KALRN: variants seen among roughly 807,000 people sequenced by gnomAD.
KALRN encodes kalirin RhoGEF kinase, also known as kalirin.
In KALRN, 70 loss-of-function variants were observed where a neutral mutation model predicts 353.7. That is an observed-to-expected ratio of 0.20 (90% CI 0.16 to 0.24). KALRN has a LOEUF of 0.24. KALRN is among the 10% of genes least tolerant of loss of function. The pLI is 1.00. For synonymous variants in KALRN, 1,391 were observed against 1,434.8 expected (o/e 0.97, Z 0.69); for missense variants, 2,791 against 3,756.7 (o/e 0.74, Z 6.72).
chr3:124,550,714 G>A (rs958231890), intron 33 of KALRN, among the ~76,000 whole-genome samples: 3 of 152,256 alleles, frequency 2.0e-5, no homozygotes, highest in South Asian at 4.2e-4. Flanking sequence ...TTAAGACCAG[G>A]CGCAGTGGCT....
chr3:124,251,048 G>A (rs1009628616), intron 3 of KALRN, among the ~76,000 whole-genome samples: 13 of 152,198 alleles, frequency 8.5e-5, no homozygotes, highest in African/African-American at 3.1e-4. Flanking sequence ...GCTAAGAGTA[G>A]CTCCTTCCAA....
intron 1 of KALRN, among the ~76,000 whole-genome samples, chr3:124,128,619 G>A (rs1286553392): frequency 1.3e-5 from 2 of 152,176 alleles, no homozygotes; most frequent in African/African-American, 2.4e-5. Flanking sequence ...GTAACAAGAA[G>A]TAGAGAAGTA....
intron 34 of KALRN, among the ~76,000 whole-genome samples, chr3:124,627,982 G>C (rs1219343069): frequency 6.6e-6 from 1 of 152,182 alleles, no homozygotes; most frequent in Non-Finnish European, 1.5e-5. Flanking sequence ...TTCTGCTGCT[G>C]TTTTCCAAGT....
intron 10 of KALRN, among the ~76,000 whole-genome samples, chr3:124,368,847 G>A (rs55776263): frequency 0.18 from 27,965 of 152,172 alleles, 3,383 homozygotes; most frequent in East Asian, 0.6. Context: ...ATCACTCGCG[G>A]TTAGGGGCTG....
chr3:124,363,875 T>C (rs1418581477), intron 10 of KALRN, among the ~76,000 whole-genome samples: 2 of 152,260 alleles, frequency 1.3e-5, no homozygotes, highest in Non-Finnish European at 2.9e-5. Context: ...AGTAGGACTT[T>C]GGGGCAAAAG....
chr3:124,555,822 G>A (rs74759640), intron 33 of KALRN, among the ~76,000 whole-genome samples: 2,044 of 152,240 alleles, frequency 0.013, 27 homozygotes, highest in South Asian at 0.023. Context: ...AGGACCATGA[G>A]CAAGACGGAA....
In KALRN at chr3:124,175,789, A is replaced by C. The variant is rs1294479100; in HGVS notation, c.74-52201A>C. ...AGCACAGACGTGGTTGCCTTGCTCA[A>C]ATCTTTTAGATTTCAGCCTCTATTC... On this transcript the variant is annotated intron_variant, in intron 1 of 59. Transcript: ENST00000682506. 2.6e-5 allele frequency among the ~76,000 whole-genome samples: 4 copies of C among 152,334 alleles called. No homozygotes were observed. The East Asian group carries it at 7.7e-4, about 29-fold the overall frequency.
chr3:124,650,304 T>A (rs1196718987), intron 37 of KALRN, among the ~76,000 whole-genome samples: 1 of 152,200 alleles, frequency 6.6e-6, no homozygotes, highest in African/African-American at 2.4e-5. Context: ...TCCTTAGAAA[T>A]CTGTAGAGAG....
intron 1 of KALRN, among the ~76,000 whole-genome samples, chr3:124,126,789 T>TG (rs2064729204): frequency 6.6e-6 from 1 of 152,210 alleles, no homozygotes; most frequent in African/African-American, 2.4e-5. Context: ...TGTTCACAGA[T>TG]GAGGGAATCA....
rs1049159173 is a variant in KALRN, at chr3:124,722,609, A to G, written c.*3139A>G. The G allele has an allele frequency of 3.3e-4, 50 of 152,206 alleles. No individual in the cohort carries two copies. The highest frequency in any genetic ancestry group is 1.2e-3 in the African/African-American group (48 of 41,434). 9.4% of individuals were successfully genotyped at this position (152,206 alleles called of 1,614,324 possible). On this transcript the variant is annotated 3_prime_UTR_variant, in exon 60 of 60. Coordinates refer to ENST00000682506, the MANE Select transcript of KALRN (RefSeq NM_001388419.1). Reference sequence around the variant, plus strand: ...TAACAAGGAATCCCAGATGATGATGATCCTGGGGAATGTACTTTAGGTTGC... The same window carrying G: ...TAACAAGGAATCCCAGATGATGATGGTCCTGGGGAATGTACTTTAGGTTGC...
At chr3:124,256,696 C>T (rs973948047) in intron 3 of KALRN, among the ~76,000 whole-genome samples, 4 of 152,170 alleles carry the variant, frequency 2.6e-5, no homozygotes, top group Admixed American at 1.3e-4. Context: ...AGACCTGGAG[C>T]CAGCCCAGTG....
intron 57 of KALRN, among the ~76,000 whole-genome samples, chr3:124,702,536 T>A (rs2062391496): frequency 6.6e-6 from 1 of 152,220 alleles, no homozygotes; most frequent in Non-Finnish European, 1.5e-5. Flanking sequence ...AGTATCTTTT[T>A]ATTACTGATT....
intron 57 of KALRN, among the ~76,000 whole-genome samples, chr3:124,702,625 T>C (rs1158367428): frequency 6.6e-6 from 1 of 152,222 alleles, no homozygotes; most frequent in Non-Finnish European, 1.5e-5. Context: ...GCTTTATGAG[T>C]AGTACATGGT....
At chr3:124,644,838 A>G (rs1222458436) in intron 37 of KALRN, among the ~76,000 whole-genome samples, 2 of 152,140 alleles carry the variant, frequency 1.3e-5, no homozygotes, top group Non-Finnish European at 2.9e-5. Context: ...TTGGGTATAT[A>G]CCCAGTAATG....
intron 1 of KALRN, among the ~76,000 whole-genome samples, chr3:124,194,419 G>T (rs1025614424): frequency 1.8e-4 from 28 of 151,988 alleles, no homozygotes; most frequent in African/African-American, 6.5e-4. Context: ...GTTCTGTGAT[G>T]ATAGACAAGT....
chr3:124,106,776 A>C (rs2062355572), intron 1 of KALRN, among the ~76,000 whole-genome samples: 1 of 152,212 alleles, frequency 6.6e-6, no homozygotes. Context: ...AAAAAACTCC[A>C]AATTGAGACC....
At chr3:124,092,326 C>A (rs140238137) in intron 1 of KALRN, among the ~76,000 whole-genome samples, 163 of 152,328 alleles carry the variant, frequency 1.1e-3, no homozygotes, top group African/African-American at 3.6e-3. Context: ...AGATGCTCTT[C>A]CCCTGCCCCT....
chr3:124,169,178 C>T (rs1380807923), intron 1 of KALRN, among the ~76,000 whole-genome samples: 1 of 152,178 alleles, frequency 6.6e-6, no homozygotes, highest in Non-Finnish European at 1.5e-5. Context: ...AGGCTTTGCA[C>T]ATTGAGGCAC....
intron 7 of KALRN, among the ~76,000 whole-genome samples, chr3:124,329,081 T>G (rs1017047007): frequency 2.6e-5 from 4 of 152,188 alleles, no homozygotes; most frequent in Non-Finnish European, 5.9e-5. Context: ...GTTGGGTGAA[T>G]TATTTGCATT....
Sources: gnomAD v4.1 joint callset for allele counts (sites outside exome capture counted in the v4.1 genomes callset) on GRCh38, gnomAD v4.1.1 for gene constraint, MANE v1.5 for transcripts, NCBI Gene and HGNC (gene_info 2026-07-23, HGNC 2026-07-21) for gene names.